MTHFD1L: variants seen among roughly 807,000 people sequenced by gnomAD.
MTHFD1L encodes the protein methylenetetrahydrofolate dehydrogenase (NADP+ dependent) 1 like, also known as monofunctional C1-tetrahydrofolate synthase, mitochondrial.
A neutral mutation model predicts 119.5 loss-of-function variants in MTHFD1L; 81 were observed. The ratio of observed to expected loss-of-function variants is 0.68; its 90% CI spans 0.57 to 0.82. The LOEUF (loss-of-function observed/expected upper bound fraction) is 0.82. MTHFD1L is among the 40% of genes least tolerant of loss of function. MTHFD1L has a pLI of 0.00. For synonymous variants in MTHFD1L, 430 were observed against 475.2 expected (o/e 0.90, Z 1.24); for missense variants, 1,125 against 1,253.4 (o/e 0.90, Z 1.55).
intron 1 of MTHFD1L, chr6:150,866,300 G>T (rs1778292969): frequency 6.8e-7 from 1 of 1,474,038 alleles, no homozygotes; most frequent in Admixed American, 2.4e-5. Flanking sequence ...TCTCCAATGG[G>T]CGCCTAGCGG....
At chr6:150,866,499 G>A (rs1164128871) in intron 1 of MTHFD1L, 1 of 1,304,026 alleles carries the variant, frequency 7.7e-7, no homozygotes, top group African/African-American at 1.6e-5. Flanking sequence ...AAGGGCAAGC[G>A]GAGCTCGGGA....
chr6:151,023,902 A>C (rs1784292210), intron 24 of MTHFD1L, among the ~76,000 whole-genome samples: 1 of 152,148 alleles, frequency 6.6e-6, no homozygotes, highest in East Asian at 1.9e-4. Context: ...ACATGAGACC[A>C]TTGCAGTGGA....
Position 150,926,378 on chromosome 6 carries a change from C to G in MTHFD1L, c.1256+83C>G. 8.3e-7 allele frequency: 1 copy of G among 1,203,212 alleles called. No homozygotes were observed. The highest frequency in any genetic ancestry group is 1.2e-6 in the Non-Finnish European group (1 of 850,522). The allele number at this position is 1,203,212 out of a possible 1,614,324, so 74.5% of individuals were successfully genotyped here. ...TATTTATCTCTCTCCTCGTACCCCTCAATCCATCCTATTCTCACATTTGAC... is the reference window on the plus strand; with the variant it reads ...TATTTATCTCTCTCCTCGTACCCCTGAATCCATCCTATTCTCACATTTGAC... On this transcript the variant is annotated intron_variant, in intron 11 of 27. Coordinates refer to ENST00000367321, the MANE Select transcript of MTHFD1L (RefSeq NM_015440.5). The surrounding 1 kb of genome is among the most constrained non-coding windows in gnomAD (Gnocchi z 4.3).
intron 16 of MTHFD1L, among the ~76,000 whole-genome samples, chr6:150,954,262 G>A (rs1282084153): frequency 6.6e-6 from 1 of 152,230 alleles, no homozygotes; most frequent in African/African-American, 2.4e-5. Flanking sequence ...AATGTGGACA[G>A]CTTGTTATTT....
chr6:150,966,224 G>T (rs1005109832), intron 19 of MTHFD1L, among the ~76,000 whole-genome samples: 1 of 152,160 alleles, frequency 6.6e-6, no homozygotes, highest in African/African-American at 2.4e-5. Flanking sequence ...AGTTCTGCAG[G>T]CTGTACAGGA....
chr6:151,008,893 G>C (rs899220797), intron 20 of MTHFD1L, among the ~76,000 whole-genome samples: 6 of 151,824 alleles, frequency 4.0e-5, no homozygotes, highest in African/African-American at 1.5e-4. Context: ...AAGGTGGGCA[G>C]ATCACCTGAG....
In MTHFD1L at chr6:151,076,073, A is replaced by T. The variant is rs144268997; in HGVS notation, c.2848-16394A>T. Reference sequence around the variant, plus strand: ...CTGCATAGCTATTAGAATGTCTACAATTAAAAAGATTGACCAGCTAAGCAC... The same window carrying T: ...CTGCATAGCTATTAGAATGTCTACATTTAAAAAGATTGACCAGCTAAGCAC... On this transcript the variant is annotated intron_variant, in intron 26 of 27. Coordinates refer to ENST00000367321, the MANE Select transcript of MTHFD1L (RefSeq NM_015440.5). Among the ~76,000 whole-genome samples the T allele has an allele frequency of 3.6e-3, 550 of 152,350 alleles. 11 individuals carry two copies. Among genetic ancestry groups the T allele is most frequent in the African/African-American group, 0.013 (527 of 41,586 alleles).
intron 6 of MTHFD1L, among the ~76,000 whole-genome samples, chr6:150,886,486 G>C (rs145120954): frequency 4.2e-4 from 63 of 150,630 alleles, no homozygotes; most frequent in African/African-American, 1.4e-3. Context: ...GGTAGATGTA[G>C]TTTAGGGCAC....
Position 151,001,003 on chromosome 6 carries a change from A to G in MTHFD1L, c.2126-8816A>G, listed in dbSNP as rs147505287. Among the ~76,000 whole-genome samples, 720 of 152,332 alleles carry G rather than the reference A, an allele frequency of 4.7e-3. 3 individuals carry two copies. Among genetic ancestry groups the G allele is most frequent in the Middle Eastern group, 0.014 (4 of 294 alleles). ...ACAGTTTTATTTTTCTTTCTTATTT[A>G]CAAGAAATTCTTTTGATGATTAAGT... On this transcript the variant is annotated intron_variant, in intron 20 of 27. Coordinates refer to ENST00000367321, the MANE Select transcript of MTHFD1L (RefSeq NM_015440.5).
chr6:151,046,467 GTGTGTATATATATATATATA>G (rs1174640184), intron 26 of MTHFD1L, among the ~76,000 whole-genome samples: 1 of 36,102 alleles, frequency 2.8e-5, no homozygotes, highest in Non-Finnish European at 7.4e-5. Flanking sequence ...TAATATGTGT[GTGTGTATATATATATATATA>G]TATATATATA....
At chr6:150,933,899 G>C (rs1326383290) in intron 11 of MTHFD1L, among the ~76,000 whole-genome samples, 1 of 152,142 alleles carries the variant, frequency 6.6e-6, no homozygotes, top group African/African-American at 2.4e-5. Context: ...TTACAAGCAT[G>C]AACCACTGCA....
intron 26 of MTHFD1L, chr6:151,041,994 C>T (rs1209942574): frequency 3.6e-5 from 13 of 363,862 alleles, no homozygotes; most frequent in East Asian, 3.0e-4. Context: ...TGAATTATTT[C>T]GTCATGTTCT....
intron 26 of MTHFD1L, among the ~76,000 whole-genome samples, chr6:151,046,471 GTATA>G (rs1156377344): frequency 0.033 from 1,187 of 36,148 alleles, 7 homozygotes; most frequent in South Asian, 0.079. Flanking sequence ...ATGTGTGTGT[GTATA>G]TATATATATA....
At chr6:150,925,134 TCCACTGAGGGGGTTGATCTGC>T (rs1269818994) in intron 10 of MTHFD1L, among the ~76,000 whole-genome samples, 1 of 152,040 alleles carries the variant, frequency 6.6e-6, no homozygotes, top group Non-Finnish European at 1.5e-5. Context: ...CTGACTAAAG[TCCACTGAGGGGGTTGATCTGC>T]CCACCGCAAG....
At chr6:151,049,625 G>A (rs1232199676) in intron 26 of MTHFD1L, among the ~76,000 whole-genome samples, 24 of 148,160 alleles carry the variant, frequency 1.6e-4, no homozygotes, top group African/African-American at 3.0e-4. Context: ...TCCTGCCACT[G>A]CACTCCAGCC....
chr6:150,895,474 C>T (rs1163077588), intron 7 of MTHFD1L, among the ~76,000 whole-genome samples: 4 of 152,124 alleles, frequency 2.6e-5, no homozygotes, highest in Admixed American at 6.6e-5. Context: ...ATCAGAGAAC[C>T]GTTTTATTTT....
chr6:150,979,167 G>A (rs554273317), intron 20 of MTHFD1L, among the ~76,000 whole-genome samples: 4 of 152,256 alleles, frequency 2.6e-5, no homozygotes, highest in Non-Finnish European at 5.9e-5. Flanking sequence ...GAACCTGGGA[G>A]GCAGAGGCTG....
At chr6:150,970,349 G>T (rs1400852358) in intron 19 of MTHFD1L, among the ~76,000 whole-genome samples, 1 of 152,192 alleles carries the variant, frequency 6.6e-6, no homozygotes, top group Admixed American at 6.5e-5. Context: ...CCACAGGTTA[G>T]CCGTGTGTGG....
chr6:150,889,113 G>A (rs1214748135), intron 7 of MTHFD1L, among the ~76,000 whole-genome samples: 1 of 151,876 alleles, frequency 6.6e-6, no homozygotes, highest in Non-Finnish European at 1.5e-5. Flanking sequence ...GGAGGCAGGG[G>A]TTGCAGTGAG....
Sources: gnomAD v4.1 joint callset for allele counts (sites outside exome capture counted in the v4.1 genomes callset) on GRCh38, gnomAD v4.1.1 for gene constraint, Gnocchi (gnomAD v3.1) non-coding constraint, MANE v1.5 for transcripts, NCBI Gene and HGNC (gene_info 2026-07-23, HGNC 2026-07-21) for gene names.